Variants in FTO observed in about 807,000 individuals in gnomAD.
FTO encodes the protein alpha-ketoglutarate-dependent dioxygenase FTO.
In FTO, 47 loss-of-function variants were observed where a neutral mutation model predicts 63.9. The observed-to-expected ratio is 0.74, with a 90% CI of 0.58 to 0.94. The LOEUF (loss-of-function observed/expected upper bound fraction) is 0.94. FTO is among the 40% of genes least tolerant of loss of function. The pLI, the probability that FTO is intolerant of heterozygous loss-of-function variation, is 0.00. For missense variants in FTO, 562 were observed against 618.1 expected, an observed-to-expected ratio of 0.91 and a Z score of 0.96; for synonymous variants, 207 against 224.4, an observed-to-expected ratio of 0.92 and a Z score of 0.69.
chr16:53,823,569 T>A (rs2078924766), intron 2 of FTO, among the ~76,000 whole-genome samples: 1 of 146,710 alleles, frequency 6.8e-6, no homozygotes, highest in Admixed American at 7.0e-5. Flanking sequence ...AGTGAACTCT[T>A]CATTTCCCCC....
At chr16:54,110,511 A>G (rs2086859851) in intron 8 of FTO, among the ~76,000 whole-genome samples, 1 of 152,234 alleles carries the variant, frequency 6.6e-6, no homozygotes. Context: ...CGGTGTAGCA[A>G]TTAACCACAC....
At chr16:54,050,028 A>G (rs949512717) in intron 8 of FTO, among the ~76,000 whole-genome samples, 7 of 152,144 alleles carry the variant, frequency 4.6e-5, no homozygotes, top group Admixed American at 1.3e-4. Context: ...TTTTCTCTAC[A>G]TTCAACTGCT....
intron 8 of FTO, among the ~76,000 whole-genome samples, chr16:53,990,707 G>T (rs962847773): frequency 2.1e-4 from 25 of 119,850 alleles, no homozygotes; most frequent in African/African-American, 1.1e-3. Flanking sequence ...TTGCTTTGTT[G>T]CCCAGGCTGG....
At chr16:53,725,374 G>T (rs530695441) in intron 1 of FTO, among the ~76,000 whole-genome samples, 2 of 152,246 alleles carry the variant, frequency 1.3e-5, no homozygotes, top group Non-Finnish European at 2.9e-5. Flanking sequence ...CAAGTCTTTT[G>T]TATTGTAGAA....
At chr16:53,948,183 T>A (rs547283883) in intron 8 of FTO, among the ~76,000 whole-genome samples, 27 of 152,302 alleles carry the variant, frequency 1.8e-4, no homozygotes, top group Middle Eastern at 3.4e-3. Flanking sequence ...ATCATTACAC[T>A]GCGGCTGTAT....
intron 7 of FTO, among the ~76,000 whole-genome samples, chr16:53,916,708 ATCT>A (rs1160692432): frequency 6.6e-6 from 1 of 152,208 alleles, no homozygotes; most frequent in Non-Finnish European, 1.5e-5. Flanking sequence ...GACTTGTGTG[ATCT>A]TCTGGATAAT....
chr16:53,800,255 C>T, intron 1 of FTO, among the ~76,000 whole-genome samples: 1 of 151,914 alleles, frequency 6.6e-6, no homozygotes, highest in Non-Finnish European at 1.5e-5. Flanking sequence ...TCTTCTTTGA[C>T]TCATGTATTA....
At chr16:54,060,722 G>T (rs1358793045) in intron 8 of FTO, among the ~76,000 whole-genome samples, 1 of 152,122 alleles carries the variant, frequency 6.6e-6, no homozygotes, top group Non-Finnish European at 1.5e-5. Flanking sequence ...AGCCATACTG[G>T]GACGCTAGTT....
At chr16:54,031,115 G>T (rs1224542506) in intron 8 of FTO, among the ~76,000 whole-genome samples, 2 of 152,074 alleles carry the variant, frequency 1.3e-5, no homozygotes, top group Admixed American at 6.5e-5. Flanking sequence ...AAGTGCCAGT[G>T]GACAACCCCA....
intron 8 of FTO, among the ~76,000 whole-genome samples, chr16:54,014,546 A>C (rs2084392595): frequency 6.6e-6 from 1 of 151,990 alleles, no homozygotes; most frequent in Non-Finnish European, 1.5e-5. Context: ...GAGCCAAATA[A>C]ACTTCTTTTT....
chr16:53,722,938 CTG>C (rs1217192567), intron 1 of FTO, among the ~76,000 whole-genome samples: 8 of 152,108 alleles, frequency 5.3e-5, no homozygotes, highest in Non-Finnish European at 1.0e-4. Context: ...TTACCTATCA[CTG>C]TGTTTTTTAA....
chr16:54,007,251 A>C (rs936510479), intron 8 of FTO, among the ~76,000 whole-genome samples: 2 of 152,210 alleles, frequency 1.3e-5, no homozygotes, highest in Non-Finnish European at 2.9e-5. Context: ...GCACATGTAT[A>C]CATATGTAAC....
intron 1 of FTO, among the ~76,000 whole-genome samples, chr16:53,754,028 G>C (rs758742877): frequency 2.0e-5 from 3 of 152,176 alleles, no homozygotes; most frequent in Non-Finnish European, 4.4e-5. Flanking sequence ...AGAGAACGGG[G>C]TTTGGAGGTG....
intron 7 of FTO, among the ~76,000 whole-genome samples, chr16:53,921,891 A>T (rs903619500): frequency 6.6e-6 from 1 of 152,172 alleles, no homozygotes; most frequent in Non-Finnish European, 1.5e-5. Context: ...ATTAGGTATA[A>T]TACTTTTATG....
intron 8 of FTO, among the ~76,000 whole-genome samples, chr16:54,018,179 T>C (rs372612397): frequency 1.9e-4 from 29 of 152,284 alleles, no homozygotes; most frequent in African/African-American, 7.0e-4. Context: ...TTTTGAATTA[T>C]TTCCCTAGGA....
chr16:53,918,996 G>A (rs192029948), intron 7 of FTO, among the ~76,000 whole-genome samples: 1 of 152,284 alleles, frequency 6.6e-6, no homozygotes, highest in East Asian at 1.9e-4. Flanking sequence ...TAGTTAGTAT[G>A]AGGATCAAAT....
chr16:54,097,646 T>A (rs2086547424), intron 8 of FTO, among the ~76,000 whole-genome samples: 1 of 152,228 alleles, frequency 6.6e-6, no homozygotes, highest in Non-Finnish European at 1.5e-5. Flanking sequence ...CTACCATGTG[T>A]CAAACTCTGC....
intron 8 of FTO, among the ~76,000 whole-genome samples, chr16:54,002,854 AC>A (rs2084099626): frequency 6.6e-6 from 1 of 152,172 alleles, no homozygotes; most frequent in African/African-American, 2.4e-5. Context: ...AGTGTAGAAG[AC>A]CCTTTTTAAA....
In FTO at chr16:54,120,886, C is replaced by T. The variant is rs1405825583; in HGVS notation, c.*8971C>T. ...CATCCACAAGATATTGGTGATTTTA[C>T]ATATTATTAGAGCCACTGAAATTTA... On this transcript the variant is annotated 3_prime_UTR_variant, in exon 9 of 9. Coordinates refer to ENST00000471389, the MANE Select transcript of FTO (RefSeq NM_001080432.3). 1 of 152,156 alleles carries T rather than the reference C, an allele frequency of 6.6e-6. No individual in the cohort carries two copies. Among genetic ancestry groups the T allele is most frequent in the Non-Finnish European group, 1.5e-5 (1 of 68,026 alleles). The allele number at this position is 152,156 out of a possible 1,614,324, so 9.4% of individuals were successfully genotyped here. A position where few individuals can be genotyped will look rare whatever the true frequency, so the allele number is the denominator to read the frequency against.
Sources: allele counts gnomAD v4.1 joint callset (sites outside exome capture counted in the v4.1 genomes callset), GRCh38; gene constraint gnomAD v4.1.1; transcripts MANE v1.5; gene names NCBI Gene and HGNC (gene_info 2026-07-23, HGNC 2026-07-21).